The following KANSL1L variants were observed in gnomAD, a reference collection of about 807,000 sequenced individuals.
The protein encoded by KANSL1L is KAT8 regulatory NSL complex subunit 1-like protein.
In KANSL1L, 25 loss-of-function variants were observed where a neutral mutation model predicts 108.6. That is an observed-to-expected ratio of 0.23 (90% confidence interval 0.17 to 0.32). KANSL1L has a LOEUF of 0.32. Ranked by LOEUF, KANSL1L falls within the 10% of genes least tolerant of loss-of-function variation. The probability of loss-of-function intolerance (pLI) is 1.00; values close to 1 mark genes in which losing one functional copy is unlikely to be tolerated. For missense variants in KANSL1L, 1,137 were observed against 1,125.7 expected, an observed-to-expected ratio of 1.01 and a Z score of -0.14; for synonymous variants, 405 against 395.1, an observed-to-expected ratio of 1.03 and a Z score of -0.30.
intron 6 of KANSL1L, among the ~76,000 whole-genome samples, chr2:210,069,431 C>G (rs1244509688): frequency 2.6e-5 from 4 of 152,180 alleles, no homozygotes; most frequent in African/African-American, 4.8e-5. Flanking sequence ...ATTCTTCCAG[C>G]CTTTGCTCAT....
At chr2:210,055,486 T>C (rs750209066) in intron 6 of KANSL1L, among the ~76,000 whole-genome samples, 16 of 152,152 alleles carry the variant, frequency 1.1e-4, no homozygotes, top group Non-Finnish European at 2.1e-4. Context: ...AAAATATGGG[T>C]AAGTTTGGAA....
intron 10 of KANSL1L, among the ~76,000 whole-genome samples, chr2:210,029,501 C>G (rs527348762): frequency 6.6e-6 from 1 of 152,068 alleles, no homozygotes; most frequent in South Asian, 2.1e-4. Context: ...CAAGAAAGTC[C>G]TGAATTCTCA....
chr2:210,172,373 A>C (rs1688383767), upstream of KANSL1L, among the ~76,000 whole-genome samples: 1 of 152,258 alleles, frequency 6.6e-6, no homozygotes, highest in Non-Finnish European at 1.5e-5. Context: ...TTTTAACCTT[A>C]TCAATTGGAT....
intron 2 of KANSL1L, among the ~76,000 whole-genome samples, chr2:210,130,696 A>T (rs2095111639): frequency 6.6e-6 from 1 of 152,256 alleles, no homozygotes; most frequent in South Asian, 2.1e-4. Flanking sequence ...TATTCAAAAT[A>T]TACTATTCAT....
rs930623699 is a variant in KANSL1L, at chr2:210,136,989, C to A, written c.1089-7817G>T. ...AGGAACTTTTAAATCTGAGCCCTAA[C>A]AAAACAATAATGATTATTATAAAAA... On this transcript the variant is annotated intron_variant, in intron 2 of 14. Coordinates refer to ENST00000281772, the MANE Select transcript of KANSL1L (RefSeq NM_152519.4). Among the ~76,000 whole-genome samples the A allele has an allele frequency of 1.8e-4, 28 of 152,020 alleles. 1 individual carries two copies. Among genetic ancestry groups the A allele is most frequent in the Non-Finnish European group, 2.6e-4 (18 of 67,984 alleles).
rs192638686 is a variant in KANSL1L at position 210,149,048 on chromosome 2, G to C, written c.1088+4447C>G. Among the ~76,000 whole-genome samples the C allele has an allele frequency of 3.2e-4, 49 of 152,078 alleles. No homozygotes were observed. The East Asian group carries it at 5.2e-3, about 16-fold the overall frequency. On this transcript the variant is annotated intron_variant, in intron 2 of 14. Transcript: ENST00000281772. ...ATTCAGTCATTGAACATTCATGGGG[G>C]GAGGGGGTCTATGACGTACAAGATA...
intron 1 of KANSL1L, among the ~76,000 whole-genome samples, chr2:210,156,020 G>A (rs2095331284): frequency 6.6e-6 from 1 of 152,052 alleles, no homozygotes. Context: ...ACGGTTACTA[G>A]CAAAATGACA....
chr2:210,039,972 T>C (rs1040850180), intron 8 of KANSL1L, among the ~76,000 whole-genome samples: 3 of 151,896 alleles, frequency 2.0e-5, no homozygotes, highest in Non-Finnish European at 3.0e-5. Flanking sequence ...TTTCCATATG[T>C]GCTTGGGCTA....
intron 6 of KANSL1L, among the ~76,000 whole-genome samples, chr2:210,068,248 G>A (rs939299238): frequency 6.6e-6 from 1 of 152,082 alleles, no homozygotes; most frequent in African/African-American, 2.4e-5. Flanking sequence ...CTATTTTAAA[G>A]TATGTAACTG....
At chr2:210,107,363 CA>C (rs1297443515) in intron 3 of KANSL1L, among the ~76,000 whole-genome samples, 7 of 151,860 alleles carry the variant, frequency 4.6e-5, no homozygotes, top group Admixed American at 2.6e-4. Context: ...AAAAATATTT[CA>C]ATTTTTTTCT....
chr2:210,070,313 C>G (rs2094498286), intron 6 of KANSL1L, among the ~76,000 whole-genome samples: 1 of 135,426 alleles, frequency 7.4e-6, no homozygotes. Flanking sequence ...TCACTGCAAG[C>G]TCCGCCTCCC....
chr2:210,028,572 C>T, intron 11 of KANSL1L: 1 of 274,656 alleles, frequency 3.6e-6, no homozygotes, highest in Non-Finnish European at 6.8e-6. Context: ...GTGTCATATA[C>T]ATAGTAGATA....
At chr2:210,050,693 GAAAAA>G (rs1169870752) in intron 6 of KANSL1L, among the ~76,000 whole-genome samples, 10 of 53,454 alleles carry the variant, frequency 1.9e-4, no homozygotes, top group African/African-American at 4.3e-4. Context: ...CATCTCTACA[GAAAAA>G]AAAAAAAAAA....
chr2:210,049,117 A>C (rs995007426), intron 6 of KANSL1L, among the ~76,000 whole-genome samples: 6 of 152,114 alleles, frequency 3.9e-5, no homozygotes, highest in Non-Finnish European at 7.4e-5. Flanking sequence ...GGCTTTATGA[A>C]GGATTTCTAA....
At chr2:210,114,254 G>A (rs1365016310) in intron 3 of KANSL1L, among the ~76,000 whole-genome samples, 1 of 152,006 alleles carries the variant, frequency 6.6e-6, no homozygotes, top group African/African-American at 2.4e-5. Context: ...AGGTCCAAAG[G>A]CAGTTAGGTC....
At position 210,128,903 on chromosome 2, in the gene KANSL1L, C is replaced by A. The variant is rs2095093534; in HGVS notation, c.1230+128G>T. The A allele has an allele frequency of 8.9e-6, 6 of 670,722 alleles. No individual in the cohort carries two copies. The South Asian group carries it at 1.4e-4, about 16-fold the overall frequency. The allele number at this position is 670,722 out of a possible 1,614,324, so 41.5% of individuals were successfully genotyped here. On this transcript the variant is annotated intron_variant, in intron 3 of 14. Transcript: ENST00000281772. ...ATAGCTTCAATTTATAATAATATAT[C>A]AAAAATTTTAACATAAACTGGCTAC...
chr2:210,026,041 T>G (rs2093932556), intron 12 of KANSL1L, among the ~76,000 whole-genome samples: 2 of 152,196 alleles, frequency 1.3e-5, no homozygotes, highest in Non-Finnish European at 1.5e-5. Flanking sequence ...ACTAATAATC[T>G]TAGACAAGTC....
intron 5 of KANSL1L, among the ~76,000 whole-genome samples, chr2:210,079,648 A>ATATATATATATATGTG (rs2094570763): frequency 2.6e-4 from 4 of 15,200 alleles, no homozygotes; most frequent in Admixed American, 1.3e-3. Flanking sequence ...ATATATATAT[A>ATATATATATATATGTG]TATATATATA....
intron 3 of KANSL1L, among the ~76,000 whole-genome samples, chr2:210,118,626 T>C (rs999274453): frequency 6.6e-6 from 1 of 151,928 alleles, no homozygotes; most frequent in Non-Finnish European, 1.5e-5. Flanking sequence ...GCAGGCAGAC[T>C]GCTTGAGCTC....
Sources: allele counts gnomAD v4.1 joint callset (sites outside exome capture counted in the v4.1 genomes callset), GRCh38; gene constraint gnomAD v4.1.1; transcripts MANE v1.5; gene names NCBI Gene and HGNC (gene_info 2026-07-23, HGNC 2026-07-21).